The following SV2C variants were observed in gnomAD, a reference collection of about 807,000 sequenced individuals.
The protein encoded by SV2C is synaptic vesicle glycoprotein 2C.
In SV2C, 49 loss-of-function variants were observed where a neutral mutation model predicts 79.7. The observed-to-expected ratio is 0.61, with a 90% CI of 0.49 to 0.78. The LOEUF is 0.78. Among genes scored for constraint, SV2C ranks in the 30% least tolerant of loss-of-function variants. SV2C has a pLI of 0.00. For missense variants in SV2C, 833 were observed against 912.9 expected (o/e 0.91, Z 1.13); for synonymous variants, 334 against 333.2 (o/e 1.00, Z -0.03).
chr5:76,225,682 A>G (rs1482921330), intron 4 of SV2C, among the ~76,000 whole-genome samples: 1 of 152,160 alleles, frequency 6.6e-6, no homozygotes, highest in African/African-American at 2.4e-5. Context: ...CTTTCCAATG[A>G]TTAGTAGCAC....
chr5:76,291,414 C>A, intron 7 of SV2C, 83 bp downstream of exon 7: 1 of 1,134,128 alleles, frequency 8.8e-7, no homozygotes, highest in East Asian at 2.6e-5. Context: ...TGGGCCTGCC[C>A]TATGAGCGAG....
At chr5:75,987,886 G>A in the SV2C span, among the ~76,000 whole-genome samples, 1 of 152,024 alleles carries the variant, frequency 6.6e-6, no homozygotes, top group Non-Finnish European at 1.5e-5. Flanking sequence ...TAGGGTGTTT[G>A]TGTGAGAATC....
At chr5:75,866,868 C>T in the SV2C span, among the ~76,000 whole-genome samples, 1 of 152,012 alleles carries the variant, frequency 6.6e-6, no homozygotes, top group Non-Finnish European at 1.5e-5. Context: ...TAGTGAGGGT[C>T]CCTGAGAAAG....
chr5:76,198,013 G>C (rs963841169), intron 3 of SV2C, among the ~76,000 whole-genome samples: 1 of 152,156 alleles, frequency 6.6e-6, no homozygotes, highest in African/African-American at 2.4e-5. Context: ...TCCCAGCTCC[G>C]AGAGACTGCA....
the SV2C span, among the ~76,000 whole-genome samples, chr5:76,021,093 C>T: frequency 1.3e-5 from 2 of 152,274 alleles, no homozygotes; most frequent in African/African-American, 2.4e-5. Flanking sequence ...TTTGGTTTTC[C>T]ACCTAATTGA....
the SV2C span, among the ~76,000 whole-genome samples, chr5:76,009,080 C>A: frequency 6.6e-6 from 1 of 152,160 alleles, no homozygotes; most frequent in Non-Finnish European, 1.5e-5. Context: ...AACTGCAACC[C>A]ACCCTCTGGA....
intron 2 of SV2C, among the ~76,000 whole-genome samples, chr5:76,153,925 A>G (rs1474960647): frequency 1.3e-5 from 2 of 152,218 alleles, no homozygotes; most frequent in African/African-American, 4.8e-5. Context: ...TACTGTGATC[A>G]TCACTTTTCC....
intron 12 of SV2C, among the ~76,000 whole-genome samples, chr5:76,314,832 G>GGGAT (rs1748566069): frequency 6.6e-6 from 1 of 152,240 alleles, no homozygotes. Context: ...CTTGGCTGTT[G>GGGAT]GGATGCACAG....
chr5:76,077,409 C>T, the SV2C span, among the ~76,000 whole-genome samples: 3 of 152,142 alleles, frequency 2.0e-5, no homozygotes, highest in Non-Finnish European at 4.4e-5. Flanking sequence ...ACATATCAAC[C>T]AATTGCAATG....
At chr5:76,174,820 T>G (rs778989899) in intron 2 of SV2C, among the ~76,000 whole-genome samples, 4 of 152,212 alleles carry the variant, frequency 2.6e-5, no homozygotes, top group Non-Finnish European at 4.4e-5. Context: ...TAAGCAAGGG[T>G]CCTCCTGTTC....
the SV2C span, among the ~76,000 whole-genome samples, chr5:75,914,837 T>G: frequency 2.6e-5 from 4 of 152,336 alleles, no homozygotes; most frequent in East Asian, 7.7e-4. Flanking sequence ...TAGTCTGTTC[T>G]CATGCTGCTG....
chr5:75,979,354 C>T, the SV2C span, among the ~76,000 whole-genome samples: 1 of 151,988 alleles, frequency 6.6e-6, no homozygotes, highest in East Asian at 1.9e-4. Context: ...ATATTCATGA[C>T]CTGAACTCAG....
At chr5:76,294,517 G>A (rs2112510960) in intron 8 of SV2C, among the ~76,000 whole-genome samples, 1 of 152,250 alleles carries the variant, frequency 6.6e-6, no homozygotes. Flanking sequence ...GACCAGGCTG[G>A]TCTCGATCTC....
the SV2C span, among the ~76,000 whole-genome samples, chr5:76,033,033 C>T: frequency 1.3e-5 from 2 of 152,138 alleles, no homozygotes; most frequent in Admixed American, 6.5e-5. Context: ...TTTTTGGCTG[C>T]ATAAATGTCT....
At chr5:76,004,983 T>C in the SV2C span, among the ~76,000 whole-genome samples, 1 of 152,130 alleles carries the variant, frequency 6.6e-6, no homozygotes, top group African/African-American at 2.4e-5. Flanking sequence ...ACGACCTAAA[T>C]CTCATGATAT....
At chr5:75,910,324 G>A in the SV2C span, 10 of 539,916 alleles carry the variant, frequency 1.9e-5, no homozygotes, top group Admixed American at 8.0e-5. Context: ...GTTGCTCCTC[G>A]TAGTCTTCCC....
intron 2 of SV2C, among the ~76,000 whole-genome samples, chr5:76,194,528 G>A (rs1236993001): frequency 6.6e-6 from 1 of 152,178 alleles, no homozygotes; most frequent in Non-Finnish European, 1.5e-5. Context: ...TCCATAGTCA[G>A]CACCATAGTA....
At chr5:75,849,314 AGTAG>A in the SV2C span, among the ~76,000 whole-genome samples, 2 of 152,210 alleles carry the variant, frequency 1.3e-5, no homozygotes, top group African/African-American at 4.8e-5. Flanking sequence ...GCTTCAGGAA[AGTAG>A]GTTTTGATCA....
Position 76,300,900 on chromosome 5 carries a change from T to A in SV2C, c.1808T>A (p.Leu603Gln). Residue 603 changes from leucine to glutamine, a missense_variant, in exon 11 of 13, where the codon CTG becomes CAG. Leu to Gln is a moderately radical substitution (Grantham distance 113). Transcript: ENST00000502798. ...VLPGNIVSALLMDRIGRLTML... is the reference protein window; with the variant it reads ...VLPGNIVSALQMDRIGRLTML... ...CCAGGGAACATTGTGTCTGCTCTGC[T>A]GATGGACAGAATTGGGCGCTTAACA... 2.5e-6 allele frequency: 4 copies of A among 1,614,166 alleles called. No individual in the cohort carries two copies. Among genetic ancestry groups the A allele is most frequent in the Non-Finnish European group, 3.4e-6 (4 of 1,179,994 alleles).
Sources: gnomAD v4.1 joint callset for allele counts (sites outside exome capture counted in the v4.1 genomes callset) on GRCh38, gnomAD v4.1.1 for gene constraint, MANE v1.5 for transcripts, NCBI Gene and HGNC (gene_info 2026-07-23, HGNC 2026-07-21) for gene names.